Variants in B3GALT1 observed in about 807,000 individuals in gnomAD.
B3GALT1 encodes the protein beta-1,3-galactosyltransferase 1, also known as UDP-Gal:betaGlcNAc beta 1,3-galactosyltransferase, polypeptide 1.
In B3GALT1, 10 loss-of-function variants were observed where a neutral mutation model predicts 23.2. The observed-to-expected ratio is 0.43, with a 90% confidence interval of 0.27 to 0.73. B3GALT1 has a LOEUF of 0.73. Ranked by LOEUF, B3GALT1 falls within the 30% of genes least tolerant of loss-of-function variation. The probability of loss-of-function intolerance (pLI) is 0.21; values close to 1 mark genes in which losing one functional copy is unlikely to be tolerated. For synonymous variants in B3GALT1, 156 were observed against 141.5 expected (o/e 1.10, Z -0.73); for missense variants, 299 against 405.4 (o/e 0.74, Z 2.25).
intron 1 of B3GALT1, among the ~76,000 whole-genome samples, chr2:167,471,097 A>G (rs926129600): frequency 2.0e-5 from 3 of 152,208 alleles, no homozygotes; most frequent in African/African-American, 7.2e-5. Context: ...ATCTGCTAAA[A>G]ATAGATAAGC....
intron 3 of B3GALT1, among the ~76,000 whole-genome samples, chr2:167,671,646 C>T (rs1275508793): frequency 4.0e-5 from 6 of 151,686 alleles, no homozygotes; most frequent in Non-Finnish European, 2.9e-5. Context: ...AAAAGTATTC[C>T]TAAGAGGAAA....
At chr2:167,798,499 A>T (rs1172524876) in intron 3 of B3GALT1, among the ~76,000 whole-genome samples, 2 of 152,218 alleles carry the variant, frequency 1.3e-5, no homozygotes, top group Non-Finnish European at 2.9e-5. Context: ...TATTTTCTGC[A>T]CATGGCTAGC....
At chr2:167,809,246 G>A (rs546151458) in intron 3 of B3GALT1, among the ~76,000 whole-genome samples, 27 of 152,160 alleles carry the variant, frequency 1.8e-4, no homozygotes, top group Admixed American at 1.5e-3. Context: ...CCTTTAGCTC[G>A]GAGTAGTTTG....
At chr2:167,825,130 A>G (rs569873728) in intron 4 of B3GALT1, among the ~76,000 whole-genome samples, 2 of 152,000 alleles carry the variant, frequency 1.3e-5, no homozygotes, top group East Asian at 3.9e-4. Flanking sequence ...TTAAAAATAC[A>G]AAAAATTAGC....
At chr2:167,849,659 G>A (rs949396999) in intron 4 of B3GALT1, among the ~76,000 whole-genome samples, 43 of 152,140 alleles carry the variant, frequency 2.8e-4, no homozygotes, top group South Asian at 4.2e-4. Flanking sequence ...AGGCCGAGGC[G>A]GGTGGATCAC....
intron 2 of B3GALT1, among the ~76,000 whole-genome samples, chr2:167,558,688 T>C (rs1004618266): frequency 1.3e-5 from 2 of 152,196 alleles, no homozygotes; most frequent in African/African-American, 2.4e-5. Context: ...CCTACGCCCA[T>C]GGAGTCTCGC....
intron 1 of B3GALT1, among the ~76,000 whole-genome samples, chr2:167,376,310 T>G (rs1366938784): frequency 6.6e-6 from 1 of 152,108 alleles, no homozygotes; most frequent in Non-Finnish European, 1.5e-5. Context: ...GTTTTCTCTT[T>G]TTTGTTGTTT....
intron 2 of B3GALT1, among the ~76,000 whole-genome samples, chr2:167,537,841 T>G (rs78048719): frequency 6.6e-6 from 1 of 151,418 alleles, no homozygotes; most frequent in Non-Finnish European, 1.5e-5. Context: ...TTTTTTTTTT[T>G]TTGACAGAGT....
chr2:167,700,719 G>A (rs1057350153), intron 3 of B3GALT1, among the ~76,000 whole-genome samples: 5 of 152,154 alleles, frequency 3.3e-5, no homozygotes, highest in Non-Finnish European at 5.9e-5. Context: ...GGTGCAGTGC[G>A]GGTAGGGTTG....
At chr2:167,363,784 A>G (rs531473046) in intron 1 of B3GALT1, among the ~76,000 whole-genome samples, 102 of 152,144 alleles carry the variant, frequency 6.7e-4, no homozygotes, top group Non-Finnish European at 1.2e-3. Context: ...GATTCCCAAC[A>G]TCTTAGTAAG....
chr2:167,315,964 T>A (rs1406746928), intron 1 of B3GALT1, among the ~76,000 whole-genome samples: 1 of 152,224 alleles, frequency 6.6e-6, no homozygotes, highest in Non-Finnish European at 1.5e-5. Context: ...GTCTTTTACA[T>A]ATTTACATAA....
intron 1 of B3GALT1, among the ~76,000 whole-genome samples, chr2:167,382,273 T>C (rs150380656): frequency 1.0e-3 from 158 of 152,216 alleles, no homozygotes; most frequent in African/African-American, 3.6e-3. Context: ...CTCATTTCCA[T>C]TTAACCTTGC....
chr2:167,405,240 C>T (rs748382963), intron 1 of B3GALT1, among the ~76,000 whole-genome samples: 6 of 152,084 alleles, frequency 3.9e-5, no homozygotes, highest in Non-Finnish European at 5.9e-5. Context: ...CTGTCAATCA[C>T]ATCAGGAGCA....
At chr2:167,515,443 T>C (rs1283622968) in intron 2 of B3GALT1, among the ~76,000 whole-genome samples, 1 of 152,162 alleles carries the variant, frequency 6.6e-6, no homozygotes. Context: ...GATGAGCCAC[T>C]GAATAGTGTT....
At chr2:167,608,566 G>C (rs1685007342) in intron 2 of B3GALT1, among the ~76,000 whole-genome samples, 1 of 152,100 alleles carries the variant, frequency 6.6e-6, no homozygotes, top group African/African-American at 2.4e-5. Flanking sequence ...CTTTCAAACA[G>C]TTGGTATGTT....
rs1424577543 is a variant in B3GALT1, at chr2:167,739,938, A to C, written c.-351-78734A>C. Among the ~76,000 whole-genome samples, 75 of 106,522 alleles carry C rather than the reference A, an allele frequency of 7.0e-4. 2 individuals are homozygous for C. Among genetic ancestry groups the C allele is most frequent in the African/African-American group, 2.2e-3 (72 of 33,076 alleles). 69.9% of individuals were successfully genotyped at this position (106,522 alleles called of 152,430 possible). A position where few individuals can be genotyped will look rare whatever the true frequency, so the allele number is the denominator to read the frequency against. On this transcript the variant is annotated intron_variant, in intron 3 of 4. Coordinates refer to ENST00000392690, the MANE Select transcript of B3GALT1 (RefSeq NM_020981.4). ...AGAAGTTGTCTCTACAAAAAAACAA[A>C]CAAAAAAAAAAAAATCTAGGCGTGG...
chr2:167,450,608 G>T (rs1270276177), intron 1 of B3GALT1, among the ~76,000 whole-genome samples: 1 of 152,108 alleles, frequency 6.6e-6, no homozygotes, highest in Non-Finnish European at 1.5e-5. Context: ...TGGTGCTTTT[G>T]CCTCACAGCT....
chr2:167,820,320 TG>T (rs1689079315), intron 4 of B3GALT1, among the ~76,000 whole-genome samples: 1 of 152,116 alleles, frequency 6.6e-6, no homozygotes, highest in Admixed American at 6.6e-5. Context: ...TTAGAAAGGG[TG>T]GTTAGGGGAG....
chr2:167,636,069 C>T (rs115699054), intron 2 of B3GALT1, among the ~76,000 whole-genome samples: 1,645 of 151,568 alleles, frequency 0.011, 33 homozygotes, highest in African/African-American at 0.037. Flanking sequence ...TTGACAAACC[C>T]GACAAAAACC....
Sources: gnomAD v4.1 joint callset for allele counts (sites outside exome capture counted in the v4.1 genomes callset) on GRCh38, gnomAD v4.1.1 for gene constraint, MANE v1.5 for transcripts, NCBI Gene and HGNC (gene_info 2026-07-23, HGNC 2026-07-21) for gene names.